BAHD1: variants seen among roughly 807,000 people sequenced by gnomAD.
The protein encoded by BAHD1 is bromo adjacent homology domain-containing 1 protein.
Under a neutral mutation model 63.1 loss-of-function variants are expected in BAHD1, and 20 were observed. The observed-to-expected ratio is 0.32, with a 90% CI of 0.22 to 0.46. The LOEUF is 0.46. Among genes scored for constraint, BAHD1 ranks in the 20% least tolerant of loss-of-function variants. BAHD1 has a pLI of 1.00. For synonymous variants in BAHD1, 408 were observed against 426.8 expected (o/e 0.96, Z 0.54); for missense variants, 939 against 1,071.8 (o/e 0.88, Z 1.73).
rs564390991 is a variant in BAHD1 at position 40,465,446 on chromosome 15, C to T, written c.2153+11C>T. ...TGCCGAGTACTGCAGGTAGGTGGTTCCCTGCACCCTCTGGCTGGCCTCTTC... is the reference window on the plus strand; with the variant it reads ...TGCCGAGTACTGCAGGTAGGTGGTTTCCTGCACCCTCTGGCTGGCCTCTTC... On this transcript the variant is annotated intron_variant, in intron 6 of 6. Transcript: ENST00000416165. 1.9e-6 allele frequency: 3 copies of T among 1,604,178 alleles called. No homozygotes were observed. Among genetic ancestry groups the T allele is most frequent in the Non-Finnish European group, 2.6e-6 (3 of 1,171,040 alleles).
At chr15:40,439,198 C>T (rs1893337394), upstream of BAHD1, among the ~76,000 whole-genome samples, 1 of 152,186 alleles carries the variant, frequency 6.6e-6, no homozygotes, top group South Asian at 2.1e-4. Context: ...AGTGGGAGAA[C>T]CTGGACCTTC....
chr15:40,459,998 C>T (rs887414505), intron 2 of BAHD1, 102 bp downstream of exon 2: 58 of 1,373,414 alleles, frequency 4.2e-5, no homozygotes, highest in Non-Finnish European at 5.4e-5. Flanking sequence ...TGGGGTCTGG[C>T]TGCTAACTGG....
chr15:40,464,297 A>C lies in BAHD1; in HGVS notation c.1976-174A>C, dbSNP rs556728305. 35 of 663,694 alleles carry C rather than the reference A, an allele frequency of 5.3e-5. No homozygotes were observed. In the East Asian group the frequency reaches 9.5e-4, roughly 18 times the overall value. 41.1% of individuals were successfully genotyped at this position (663,694 alleles called of 1,614,324 possible). ...AGTGCCTTCTCCCCCTTCTCCCTCC[A>C]TGCCTAACAGCATTCCAGGCCTCTG... On this transcript the variant is annotated intron_variant, in intron 4 of 6. Coordinates refer to ENST00000416165, the MANE Select transcript of BAHD1 (RefSeq NM_014952.5).
rs959070354 is a variant in BAHD1, at chr15:40,441,031, C to T, written c.-252C>T. Among the ~76,000 whole-genome samples the T allele has an allele frequency of 1.4e-5, 2 of 147,082 alleles. No individual in the cohort carries two copies. The highest frequency in any genetic ancestry group is 4.9e-5 in the African/African-American group (2 of 40,844). Reference sequence around the variant, plus strand: ...CCGCCCGCCCGTCCGGCTGCCTGCCCCGCCCGTCCGGCCCCCGCCGTCCGC... The same window carrying T: ...CCGCCCGCCCGTCCGGCTGCCTGCCTCGCCCGTCCGGCCCCCGCCGTCCGC... On this transcript the variant is annotated 5_prime_UTR_variant, in exon 1 of 7. Transcript: ENST00000416165.
At chr15:40,454,519 T>C (rs1223790807) in intron 1 of BAHD1, 1 of 152,176 alleles carries the variant, frequency 6.6e-6, no homozygotes, top group African/African-American at 2.4e-5. Context: ...ATTCAACCTG[T>C]GGTTCTCTGG....
chr15:40,455,728 C>T (rs572881864), intron 1 of BAHD1, among the ~76,000 whole-genome samples: 10 of 152,354 alleles, frequency 6.6e-5, no homozygotes, highest in Middle Eastern at 3.4e-3. Flanking sequence ...CAGCCGTTCC[C>T]AGGCCTAGCC....
In BAHD1 at chr15:40,458,303, A is replaced by G; in HGVS notation, c.-14-148A>G. 1 of 1,030,096 alleles carries G rather than the reference A, an allele frequency of 9.7e-7. No homozygotes were observed. Among genetic ancestry groups the G allele is most frequent in the East Asian group, 2.7e-5 (1 of 37,438 alleles). The allele number at this position is 1,030,096 out of a possible 1,614,324, so 63.8% of individuals were successfully genotyped here. ...TCCACTGCCCCTTCACACTCTGGAA[A>G]GGGAGTCCCAGGAAAATCCATACTG... On this transcript the variant is annotated intron_variant, in intron 1 of 6. Coordinates refer to ENST00000416165, the MANE Select transcript of BAHD1 (RefSeq NM_014952.5). This position sits in a 1 kb window ranked among gnomAD's most constrained non-coding sequence, Gnocchi z 4.7.
intron 1 of BAHD1, among the ~76,000 whole-genome samples, chr15:40,448,026 G>A (rs914901584): frequency 2.0e-5 from 3 of 152,084 alleles, no homozygotes; most frequent in Non-Finnish European, 4.4e-5. Context: ...GGCGGATCAC[G>A]AGGTCAGGAG....
At chr15:40,438,951 T>C (rs572862977), upstream of BAHD1, among the ~76,000 whole-genome samples, 32 of 152,268 alleles carry the variant, frequency 2.1e-4, no homozygotes, top group Non-Finnish European at 3.8e-4. Flanking sequence ...TGCTGTACCC[T>C]CCACCACCAA....
At chr15:40,437,505 T>A (rs1893296402), upstream of BAHD1, among the ~76,000 whole-genome samples, 1 of 152,154 alleles carries the variant, frequency 6.6e-6, no homozygotes. Flanking sequence ...CTGCCGCATT[T>A]AATTGTTGCC....
upstream of BAHD1, among the ~76,000 whole-genome samples, chr15:40,439,358 T>TG (rs1893341285): frequency 6.6e-6 from 1 of 152,226 alleles, no homozygotes; most frequent in East Asian, 1.9e-4. Context: ...GAACTGCTTC[T>TG]GGGGGAGGTT....
At position 40,459,542 on chromosome 15, in the gene BAHD1, A is replaced by C. The variant is rs754014467; in HGVS notation, c.1078A>C (p.Asn360His). The C allele has an allele frequency of 1.2e-6, 2 of 1,614,136 alleles. No homozygotes were observed. Among genetic ancestry groups the C allele is most frequent in the South Asian group, 1.1e-5 (1 of 91,088 alleles). The change falls in exon 2 of 7, where the codon AAC becomes CAC. Residue 360 changes from asparagine to histidine, a missense_variant. Asn to His is a moderately conservative substitution (Grantham distance 68). Around this residue, in one of 5 missense-constraint regions of BAHD1, gnomAD observed 797 missense variants for 813.3 expected, o/e 0.98. Coordinates refer to ENST00000416165, the MANE Select transcript of BAHD1 (RefSeq NM_014952.5). ...GCTGTCGCCGCTGCCGATGCCTGGC[A>C]ACCCCGCCGACTACAATGGCCTGTG... is the stretch of plus-strand genomic sequence containing the variant. The part of the protein sequence containing the change: ...PQLSPLPMPG[N>H]PADYNGLCVG...
intron 1 of BAHD1, among the ~76,000 whole-genome samples, chr15:40,450,812 G>A (rs1053613269): frequency 2.0e-5 from 3 of 152,124 alleles, no homozygotes; most frequent in Non-Finnish European, 2.9e-5. Context: ...GGGCGAGTCT[G>A]GGAAAAGTTG....
In BAHD1 at chr15:40,450,198, G is replaced by A. The variant is rs908196924; in HGVS notation, c.-14-8253G>A. Among the ~76,000 whole-genome samples the A allele has an allele frequency of 2.0e-5, 3 of 152,224 alleles. No homozygotes were observed. The South Asian group carries it at 6.2e-4, about 32-fold the overall frequency. On this transcript the variant is annotated intron_variant, in intron 1 of 6. Transcript: ENST00000416165. Reference sequence around the variant, plus strand: ...TAACTAGTTAAGTGAGTGATATTTGGGTAGGGTGCCCATAACTCTGATACG... The same window carrying A: ...TAACTAGTTAAGTGAGTGATATTTGAGTAGGGTGCCCATAACTCTGATACG...
intron 4 of BAHD1, 148 bp downstream of exon 4, chr15:40,464,168 T>G: frequency 1.0e-6 from 1 of 980,250 alleles, no homozygotes; most frequent in Non-Finnish European, 1.5e-6. Context: ...CTGGGGTCTC[T>G]CTGCTGCCGA....
intron 1 of BAHD1, among the ~76,000 whole-genome samples, chr15:40,451,162 A>C (rs1054376491): frequency 2.0e-5 from 3 of 151,564 alleles, no homozygotes; most frequent in African/African-American, 7.3e-5. Flanking sequence ...AAAAAAAAAA[A>C]AAAAAAAAAA....
rs764968544 is a variant in BAHD1, at chr15:40,459,770, T to C, written c.1306T>C (p.Ser436Pro). The change falls in exon 2 of 7, where the codon TCT becomes CCT. Residue 436 changes from serine (S) to proline (P), a missense_variant. By Grantham distance (74) the Ser-to-Pro change is moderately conservative (BLOSUM62 -1). This residue lies in a region of BAHD1 where 797 missense variants were observed against 813.3 expected (regional missense o/e 0.98). Coordinates refer to ENST00000416165, the MANE Select transcript of BAHD1 (RefSeq NM_014952.5). ...TTTCCAGCACCCTCCCTGGGGCTCC[T>C]CTCGCTACTGCTCTAGCGAGGACAC... ...TPFQHPPWGS[S>P]RYCSSEDTGV... is the part of the protein sequence containing the mutation. 1.9e-6 allele frequency: 3 copies of C among 1,613,954 alleles called. No individual in the cohort carries two copies. Among genetic ancestry groups the C allele is most frequent in the Non-Finnish European group, 2.5e-6 (3 of 1,180,038 alleles).
chr15:40,458,525 G>T lies in BAHD1; in HGVS notation c.61G>T (p.Glu21Ter). ...GAGTTCGGGCCTCACTGGCCGCCGA[G>T]AGCCCCTGCAGATGGAAGACAGCAA... ...MLSSGLTGRR[E>*]PLQMEDSNME... Residue 21 changes from glutamate to a stop codon, truncating the protein, a stop_gained, in exon 2 of 7, where the codon GAG becomes TAG. Coordinates refer to ENST00000416165, the MANE Select transcript of BAHD1 (RefSeq NM_014952.5). LOFTEE classifies it high-confidence loss of function. This position sits in a 1 kb window ranked among gnomAD's most constrained non-coding sequence, Gnocchi z 4.7. 1 of 1,612,980 alleles carries T rather than the reference G, an allele frequency of 6.2e-7. No individual in the cohort carries two copies. The highest frequency in any genetic ancestry group is 8.5e-7 in the Non-Finnish European group (1 of 1,179,400).
chr15:40,458,446 T>C lies in BAHD1; in HGVS notation c.-14-5T>C, dbSNP rs772491851. ...TTCTCTCATTGCCCACCTTCTGTCC[T>C]GCAGGTTGGAAGTACTCCATGACAC... On this transcript the variant is annotated splice_region_variant and splice_polypyrimidine_tract_variant and intron_variant, in intron 1 of 6. Transcript: ENST00000416165. This position sits in a 1 kb window ranked among gnomAD's most constrained non-coding sequence, Gnocchi z 4.7. 28 of 1,548,518 alleles carry C rather than the reference T, an allele frequency of 1.8e-5. No individual in the cohort carries two copies. Among genetic ancestry groups the C allele is most frequent in the Non-Finnish European group, 2.4e-5 (27 of 1,144,504 alleles).
Sources: gnomAD v4.1 joint callset for allele counts (sites outside exome capture counted in the v4.1 genomes callset) on GRCh38, gnomAD v4.1.1 for gene constraint, gnomAD v4.1.1 regional missense constraint, Gnocchi (gnomAD v3.1) non-coding constraint, MANE v1.5 for transcripts, NCBI Gene and HGNC (gene_info 2026-07-23, HGNC 2026-07-21) for gene names.